TRPS1: variants seen among roughly 807,000 people sequenced by gnomAD.
TRPS1 encodes transcriptional repressor GATA binding 1, also known as zinc finger transcription factor Trps1.
A neutral mutation model predicts 101.2 loss-of-function variants in TRPS1; 6 were observed. The observed-to-expected ratio is 0.06, with a 90% confidence interval of 0.03 to 0.12. The LOEUF is 0.12. TRPS1 is among the 10% of genes least tolerant of loss of function. The pLI is 1.00. For synonymous variants in TRPS1, 578 were observed against 589.8 expected (o/e 0.98, Z 0.29); for missense variants, 1,363 against 1,567.0 (o/e 0.87, Z 2.20).
chr8:115,589,162 A>C (rs1817629616), intron 4 of TRPS1, among the ~76,000 whole-genome samples: 1 of 152,210 alleles, frequency 6.6e-6, no homozygotes, highest in South Asian at 2.1e-4. Context: ...TTGTGGTTTT[A>C]GAGGAATAAG....
chr8:115,570,862 G>A (rs904512442), intron 5 of TRPS1, among the ~76,000 whole-genome samples: 9 of 152,100 alleles, frequency 5.9e-5, no homozygotes, highest in African/African-American at 2.2e-4. Context: ...AAACCACCAT[G>A]TTTGAAACTC....
At chr8:115,542,893 T>A (rs1456394251) in intron 5 of TRPS1, among the ~76,000 whole-genome samples, 1 of 152,184 alleles carries the variant, frequency 6.6e-6, no homozygotes, top group Admixed American at 6.6e-5. Flanking sequence ...ATAATCATAG[T>A]TCCATGAGGG....
intron 5 of TRPS1, among the ~76,000 whole-genome samples, chr8:115,462,009 T>C (rs1373969378): frequency 6.6e-6 from 1 of 152,170 alleles, no homozygotes. Context: ...TCAACACCTT[T>C]CATCTTTCTA....
At chr8:115,539,143 A>T (rs979378965) in intron 5 of TRPS1, among the ~76,000 whole-genome samples, 1 of 152,214 alleles carries the variant, frequency 6.6e-6, no homozygotes, top group Non-Finnish European at 1.5e-5. Flanking sequence ...AATGGCTCAG[A>T]TCCTAGAAAT....
Position 115,465,602 on chromosome 8 carries a change from T to A in TRPS1, c.2701-47150A>T, listed in dbSNP as rs374454423. 1.6e-4 allele frequency among the ~76,000 whole-genome samples: 24 copies of A among 152,254 alleles called. No individual in the cohort carries two copies. The South Asian group carries it at 4.6e-3, about 29-fold the overall frequency. ...TTGGTCTATCCATTGAAAAGATACATATACTGTCCTAGGTAATATTATTAA... is the reference window on the plus strand; with the variant it reads ...TTGGTCTATCCATTGAAAAGATACAAATACTGTCCTAGGTAATATTATTAA... On this transcript the variant is annotated intron_variant, in intron 5 of 6. Transcript: ENST00000395715.
At chr8:115,525,237 A>G (rs182062767) in intron 5 of TRPS1, among the ~76,000 whole-genome samples, 2 of 152,260 alleles carry the variant, frequency 1.3e-5, no homozygotes, top group Admixed American at 6.5e-5. Flanking sequence ...AATTTCTCAT[A>G]AGATACAGAA....
intron 5 of TRPS1, among the ~76,000 whole-genome samples, chr8:115,464,421 A>C (rs1814268133): frequency 6.6e-6 from 1 of 152,136 alleles, no homozygotes; most frequent in Non-Finnish European, 1.5e-5. Context: ...GACTTACATC[A>C]AACTATTGCA....
chr8:115,422,935 C>T (rs1813103428), intron 5 of TRPS1, among the ~76,000 whole-genome samples: 1 of 152,136 alleles, frequency 6.6e-6, no homozygotes, highest in African/African-American at 2.4e-5. Flanking sequence ...AAGTAGCTAG[C>T]CGATAACACC....
chr8:115,642,842 GA>G (rs55943562), intron 1 of TRPS1, among the ~76,000 whole-genome samples: 3 of 143,212 alleles, frequency 2.1e-5, no homozygotes, highest in Admixed American at 7.0e-5. Flanking sequence ...CTTACTTCGT[GA>G]AAAAAAATAT....
intron 2 of TRPS1, among the ~76,000 whole-genome samples, chr8:115,622,983 C>T (rs1339179633): frequency 6.6e-6 from 1 of 152,056 alleles, no homozygotes; most frequent in Non-Finnish European, 1.5e-5. Context: ...CAAAAAGAAG[C>T]TTTAGCTCTA....
In TRPS1 at chr8:115,604,099, G is replaced by C. The variant is rs121908431; in HGVS notation, c.1870C>G (p.Arg624Gly). The change falls in exon 4 of 7, where the codon CGA becomes GGA. Residue 624 changes from arginine to glycine, a missense_variant. Arg to Gly is a moderately radical substitution (Grantham distance 125). Transcript: ENST00000395715. The surrounding 1 kb of genome is among the most constrained non-coding windows in gnomAD (Gnocchi z 4.1). Reference sequence around the variant, plus strand: ...CACTGATGGCACTGATGTTTGACTCGCGAGCTTCCAGCCGCCCCAGGAGAC... The same window carrying C: ...CACTGATGGCACTGATGTTTGACTCCCGAGCTTCCAGCCGCCCCAGGAGAC... ...HLSPGAAGSSRVKHQCHQCSF... is the reference protein window; with the variant it reads ...HLSPGAAGSSGVKHQCHQCSF... 16 of 1,613,930 alleles carry C rather than the reference G, an allele frequency of 9.9e-6. No homozygotes were observed. Among genetic ancestry groups the C allele is most frequent in the Non-Finnish European group, 1.4e-5 (16 of 1,180,002 alleles).
chr8:115,511,824 T>C (rs1815591717), intron 5 of TRPS1, among the ~76,000 whole-genome samples: 1 of 151,932 alleles, frequency 6.6e-6, no homozygotes, highest in African/African-American at 2.4e-5. Context: ...GACATATTTC[T>C]ACATATAAAC....
chr8:115,491,291 T>C (rs1482934978), intron 5 of TRPS1, among the ~76,000 whole-genome samples: 1 of 151,914 alleles, frequency 6.6e-6, no homozygotes, highest in Non-Finnish European at 1.5e-5. Context: ...AATAAGGGAG[T>C]TTTTGCATTT....
intron 5 of TRPS1, among the ~76,000 whole-genome samples, chr8:115,420,448 A>T (rs16887452): frequency 0.043 from 6,577 of 152,272 alleles, 439 homozygotes; most frequent in African/African-American, 0.15. Context: ...ATAAACACCA[A>T]CTTGGTCCAC....
intron 5 of TRPS1, among the ~76,000 whole-genome samples, chr8:115,519,684 T>C (rs1330287285): frequency 6.6e-6 from 1 of 151,350 alleles, no homozygotes; most frequent in Non-Finnish European, 1.5e-5. Flanking sequence ...ATTCAAAAGG[T>C]TTTGTCCCAT....
chr8:115,597,669 G>T (rs1817818693), intron 4 of TRPS1, among the ~76,000 whole-genome samples: 1 of 151,966 alleles, frequency 6.6e-6, no homozygotes, highest in South Asian at 2.1e-4. Context: ...CTTTATCATT[G>T]TGAGTGTGGT....
In TRPS1 at chr8:115,587,496, A is replaced by G. The variant is rs752164593; in HGVS notation, c.2205T>C (p.Thr735=). Residue 735 remains threonine, a synonymous_variant, in exon 5 of 7, where the codon ACT becomes ACC. Coordinates refer to ENST00000395715, the MANE Select transcript of TRPS1 (RefSeq NM_014112.5). ...NTVHCQEQDI[T]TANGEEDGHA... ...GACCGTCCTCTTCGCCGTTGGCTGT[A>G]GTGATGTCCTGTTCCTGGCAGTGAA... 16 of 1,614,060 alleles carry G rather than the reference A, an allele frequency of 9.9e-6. No homozygotes were observed. The highest frequency in any genetic ancestry group is 1.2e-5 in the Non-Finnish European group (14 of 1,179,998).
intron 5 of TRPS1, among the ~76,000 whole-genome samples, chr8:115,576,985 T>A (rs1376919271): frequency 6.6e-6 from 1 of 152,144 alleles, no homozygotes; most frequent in Non-Finnish European, 1.5e-5. Context: ...GAGGACAGAT[T>A]TTTCTATATT....
intron 5 of TRPS1, among the ~76,000 whole-genome samples, chr8:115,571,557 A>G (rs1202579174): frequency 6.6e-6 from 1 of 152,174 alleles, no homozygotes; most frequent in African/African-American, 2.4e-5. Flanking sequence ...AAGGGAAAGC[A>G]GAATGCTTTT....
Sources: allele counts gnomAD v4.1 joint callset (sites outside exome capture counted in the v4.1 genomes callset), GRCh38; gene constraint gnomAD v4.1.1; non-coding constraint Gnocchi (gnomAD v3.1); transcripts MANE v1.5; gene names NCBI Gene and HGNC (gene_info 2026-07-23, HGNC 2026-07-21).